TMEM106C: variants seen among roughly 807,000 people sequenced by gnomAD.
The protein encoded by TMEM106C is endoplasmic reticulum membrane protein overexpressed in cancer.
Under a neutral mutation model 30.8 loss-of-function variants are expected in TMEM106C, and 27 were observed. The ratio of observed to expected loss-of-function variants is 0.88; its 90% CI spans 0.65 to 1.21. The LOEUF (loss-of-function observed/expected upper bound fraction) is 1.21. Ranked by LOEUF, TMEM106C falls within the 50% of genes most tolerant of loss-of-function variation. TMEM106C has a pLI of 0.00. For synonymous variants in TMEM106C, 123 were observed against 118.8 expected, an observed-to-expected ratio of 1.04 and a Z score of -0.23; for missense variants, 288 against 307.8, an observed-to-expected ratio of 0.94 and a Z score of 0.48.
rs779130354 is a variant in TMEM106C, at chr12:47,968,178, C to G, written c.702C>G (p.Ser234=). 6 of 1,614,102 alleles carry G rather than the reference C, an allele frequency of 3.7e-6. No homozygotes were observed. In the East Asian group the frequency reaches 1.1e-4, roughly 30 times the overall value. The change falls in exon 8 of 8, where the codon TCC becomes TCG. Residue 234 remains serine, a synonymous_variant. Transcript: ENST00000429772. ...ISYIGLMTQS[S]LETHHYVDCG... ...ACATTGGCCTCATGACCCAGAGCTC[C>G]TTGGAGACACATCACTATGTGGATT...
chr12:47,965,310 C>T lies in TMEM106C; in HGVS notation c.216C>T (p.Ile72=), dbSNP rs574436143. 50 of 1,614,044 alleles carry T rather than the reference C, an allele frequency of 3.1e-5. No individual in the cohort carries two copies. The South Asian group carries it at 5.1e-4, about 16-fold the overall frequency. The change falls in exon 3 of 8, where the codon ATC becomes ATT. Residue 72 remains isoleucine (I), a synonymous_variant. Transcript: ENST00000429772. ...AAGTAAATGAGTTGGTGGCTTTGAT[C>T]CCACACAGTGATCAGAGATTGCGCC... is the stretch of plus-strand genomic sequence containing the variant. ...TEQVNELVAL[I]PHSDQRLRPQ...
In TMEM106C at chr12:47,965,990, C is replaced by G; in HGVS notation, c.404C>G (p.Thr135Ser). 9 of 1,614,184 alleles carry G rather than the reference C, an allele frequency of 5.6e-6. No individual in the cohort carries two copies. Among genetic ancestry groups the G allele is most frequent in the Non-Finnish European group, 7.6e-6 (9 of 1,180,034 alleles). The change falls in exon 4 of 8, where the codon ACC (threonine) becomes AGC (serine). Residue 135 changes from threonine to serine, a missense_variant. Transcript: ENST00000429772. Reference protein sequence around the residue: ...FNKQDSLVILTIMATLKIRNS... With the variant: ...FNKQDSLVILSIMATLKIRNS... ...AAGCAAGACTCCCTTGTAATTCTCA[C>G]CATCATGGTAAGCCTTAGGGTTTCA...
intron 3 of TMEM106C, 113 bp downstream of exon 3, chr12:47,965,458 A>C: frequency 9.9e-7 from 1 of 1,006,750 alleles, no homozygotes; most frequent in South Asian, 1.5e-5. Context: ...TAAGTTCCCC[A>C]TTTTCCTTAT....
rs1303789128 is a variant in TMEM106C, at chr12:47,966,224, C to A, written c.547C>A (p.Gln183Lys). Reference sequence around the variant, plus strand: ...CTCCCTTATTCCACCTCGGAGTGAGCAACTGGTATGCTGTTCTTTTAGGAA... The same window carrying A: ...CTCCCTTATTCCACCTCGGAGTGAGAAACTGGTATGCTGTTCTTTTAGGAA... ...NVSLIPPRSE[Q>K]LVNFTGKAEM... The change falls in exon 5 of 8, where the codon CAA becomes AAA. Residue 183 changes from glutamine to lysine, a missense_variant. Physicochemically the swap from Gln to Lys is moderately conservative, Grantham distance 53 (BLOSUM62 1). Coordinates refer to ENST00000429772, the MANE Select transcript of TMEM106C (RefSeq NM_001143842.2). The A allele has an allele frequency of 6.2e-7, 1 of 1,613,952 alleles. No individual in the cohort carries two copies. The highest frequency in any genetic ancestry group is 1.7e-5 in the Admixed American group (1 of 60,024).
chr12:47,968,633 G>C lies in TMEM106C; in HGVS notation c.*404G>C. On this transcript the variant is annotated 3_prime_UTR_variant, in exon 8 of 8. Transcript: ENST00000429772. ...GTGCCTCATCTGTGCAGAAGTGGCA[G>C]CAGAGAGGGACCATCCAAATACCTA... is the stretch of plus-strand genomic sequence containing the variant. 3.4e-6 allele frequency: 1 copy of C among 290,178 alleles called. No individual in the cohort carries two copies. The highest frequency in any genetic ancestry group is 4.6e-5 in the Admixed American group (1 of 21,594). The allele number at this position is 290,178 out of a possible 1,614,324, so 18.0% of individuals were successfully genotyped here.
intron 7 of TMEM106C, 71 bp downstream of exon 7, chr12:47,967,332 C>A: frequency 1.3e-6 from 2 of 1,537,372 alleles, no homozygotes; most frequent in Non-Finnish European, 1.8e-6. Context: ...CAGGAGGCCC[C>A]TGTGTGACCA....
intron 5 of TMEM106C, 89 bp from the exon 6 acceptor site, chr12:47,966,594 A>C (rs1938230237): frequency 1.4e-6 from 2 of 1,429,060 alleles, no homozygotes; most frequent in Non-Finnish European, 2.0e-6. Context: ...TGATGGAAGA[A>C]TGACCCAAGG....
chr12:47,965,572 TG>T, intron 3 of TMEM106C: 1 of 647,632 alleles, frequency 1.5e-6, no homozygotes, highest in Non-Finnish European at 2.7e-6. Context: ...CAGAAGAAAC[TG>T]GGAAAGTGGA....
chr12:47,968,151 A>T lies in TMEM106C; in HGVS notation c.675A>T (p.Ser225=). 6.2e-7 allele frequency: 1 copy of T among 1,613,542 alleles called. No homozygotes were observed. Among genetic ancestry groups the T allele is most frequent in the South Asian group, 1.1e-5 (1 of 91,078 alleles). Residue 225 remains serine (S), a synonymous_variant, in exon 8 of 8, where the codon TCA becomes TCT. Transcript: ENST00000429772. The part of the protein sequence containing the change: ...VIFMRTSVKI[S]YIGLMTQSSL... The stretch of plus-strand genomic sequence containing the variant: ...TCCCTAGAACTTCAGTGAAGATTTC[A>T]TACATTGGCCTCATGACCCAGAGCT...
intron 3 of TMEM106C, chr12:47,965,605 T>A: frequency 1.5e-6 from 1 of 679,626 alleles, no homozygotes; most frequent in South Asian, 1.8e-5. Flanking sequence ...GGTGTGGGAC[T>A]GTCTCTGTCC....
In TMEM106C at chr12:47,967,235, G is replaced by A. The variant is rs376852148; in HGVS notation, c.630G>A (p.Leu210=). ...VYFFCTVPEI[L]VHNIVIFMRT... The stretch of plus-strand genomic sequence containing the variant: ...TCTTCTGCACGGTACCTGAGATCCT[G>A]GTGCACAACATAGTGATCTTCATGC... The change falls in exon 7 of 8, where the codon CTG becomes CTA. Residue 210 remains leucine (L), a synonymous_variant. Transcript: ENST00000429772. 1 of 1,613,902 alleles carries A rather than the reference G, an allele frequency of 6.2e-7. No individual in the cohort carries two copies. The highest frequency in any genetic ancestry group is 8.5e-7 in the Non-Finnish European group (1 of 1,180,002).
intron 7 of TMEM106C, among the ~76,000 whole-genome samples, 189 bp from the exon 8 acceptor site, chr12:47,967,944 C>T (rs1176204646): frequency 6.6e-6 from 1 of 152,022 alleles, no homozygotes; most frequent in Non-Finnish European, 1.5e-5. Context: ...TTTGGAAGGC[C>T]ACCTCCTGGC....
intron 2 of TMEM106C, chr12:47,964,871 C>G (rs1938168652): frequency 4.0e-6 from 1 of 252,458 alleles, no homozygotes; most frequent in Non-Finnish European, 7.6e-6. Context: ...TCATCTATTA[C>G]TATTAACAAA....
chr12:47,966,834 T>C, intron 6 of TMEM106C, 102 bp downstream of exon 6: 1 of 1,298,480 alleles, frequency 7.7e-7, no homozygotes, highest in Non-Finnish European at 1.1e-6. Flanking sequence ...ATCTCAGCTT[T>C]TGACTTATAG....
chr12:47,967,401 A>C, intron 7 of TMEM106C, 140 bp downstream of exon 7: 1 of 800,122 alleles, frequency 1.2e-6, no homozygotes, highest in African/African-American at 1.7e-5. Flanking sequence ...CAGATACAGT[A>C]GACCCTTGGT....
chr12:47,966,047 C>T lies in TMEM106C; in HGVS notation c.412-42C>T, dbSNP rs1162792376. On this transcript the variant is annotated intron_variant, in intron 4 of 7. Transcript: ENST00000429772. ...GGGTTGTGCACCTGCCAGGCTGGGA[C>T]CCAGGACACTTACACTTGTTTCCTG... The T allele has an allele frequency of 1.9e-6, 3 of 1,614,176 alleles. No individual in the cohort carries two copies. The South Asian group carries it at 3.3e-5, about 18-fold the overall frequency.
Position 47,966,148 on chromosome 12 carries a change from C to G in TMEM106C, c.471C>G (p.Ser157Arg), listed in dbSNP as rs147520648. The G allele has an allele frequency of 1.5e-5, 25 of 1,614,224 alleles. No individual in the cohort carries two copies. The African/African-American group carries it at 2.5e-4, about 16-fold the overall frequency. Reference sequence around the variant, plus strand: ...CGGTGGCAGTGACCAGCCTGTCCAGCCAGATTCAGTACATGAACACAGTGG... The same window carrying G: ...CGGTGGCAGTGACCAGCCTGTCCAGGCAGATTCAGTACATGAACACAGTGG... The part of the protein sequence containing the change: ...FYTVAVTSLS[S>R]QIQYMNTVVS... The change falls in exon 5 of 8, where the codon AGC (serine) becomes AGG (arginine). Residue 157 changes from serine (S) to arginine (R), a missense_variant. Physicochemically the swap from Ser to Arg is moderately radical, Grantham distance 110. Transcript: ENST00000429772.
intron 7 of TMEM106C, 59 bp from the exon 8 acceptor site, chr12:47,968,063 CCTGGGACATTT>C: frequency 3.0e-6 from 4 of 1,345,014 alleles, no homozygotes; most frequent in Non-Finnish European, 3.2e-6. Flanking sequence ...CAAAAAATTT[CCTGGGACATTT>C]TTCTGGCTTA....
chr12:47,965,205 G>C, intron 2 of TMEM106C, 77 bp from the exon 3 acceptor site: 1 of 1,150,196 alleles, frequency 8.7e-7, no homozygotes, highest in Non-Finnish European at 1.3e-6. Context: ...TATTTGTTGT[G>C]GCAGGCTCAA....
Sources: allele counts gnomAD v4.1 joint callset (sites outside exome capture counted in the v4.1 genomes callset), GRCh38; gene constraint gnomAD v4.1.1; transcripts MANE v1.5; gene names NCBI Gene and HGNC (gene_info 2026-07-23, HGNC 2026-07-21).